ANKRD11: variants seen among roughly 807,000 people sequenced by gnomAD.
ANKRD11 encodes the protein ankyrin repeat domain-containing protein 11.
Under a neutral mutation model 195.7 loss-of-function variants are expected in ANKRD11, and 17 were observed. That is an observed-to-expected ratio of 0.09 (90% CI 0.06 to 0.13). The LOEUF (loss-of-function observed/expected upper bound fraction) is 0.13. Among genes scored for constraint, ANKRD11 ranks in the 10% least tolerant of loss-of-function variants. The probability of loss-of-function intolerance (pLI) is 1.00; values close to 1 mark genes in which losing one functional copy is unlikely to be tolerated. For missense variants in ANKRD11, 3,735 were observed against 3,566.1 expected (o/e 1.05, Z -1.21); for synonymous variants, 1,953 against 1,528.1 (o/e 1.28, Z -6.49).
chr16:89,408,293 T>G (rs1177783149), intron 2 of ANKRD11, among the ~76,000 whole-genome samples: 1 of 152,204 alleles, frequency 6.6e-6, no homozygotes, highest in Non-Finnish European at 1.5e-5. Flanking sequence ...CACATTCACT[T>G]TAGCCTTGGG....
chr16:89,269,141 G>T (rs1054325080), intron 12 of ANKRD11, among the ~76,000 whole-genome samples: 1 of 152,230 alleles, frequency 6.6e-6, no homozygotes. Flanking sequence ...AGCGTGGCCA[G>T]GGAGTACTGG....
chr16:89,342,032 G>GCTGCACCTCCA, intron 2 of ANKRD11, among the ~76,000 whole-genome samples: 1 of 36,852 alleles, frequency 2.7e-5, no homozygotes, highest in African/African-American at 9.2e-5. Context: ...CACCTCCACT[G>GCTGCACCTCCA]CCCACAGCGG....
chr16:89,334,223 C>G (rs998619704), intron 2 of ANKRD11, among the ~76,000 whole-genome samples: 2 of 150,402 alleles, frequency 1.3e-5, no homozygotes, highest in African/African-American at 4.9e-5. Flanking sequence ...GCTGCGGGCT[C>G]AGGACAATGT....
At chr16:89,464,256 C>A (rs541688597) in intron 1 of ANKRD11, among the ~76,000 whole-genome samples, 1 of 148,148 alleles carries the variant, frequency 6.8e-6, no homozygotes, top group Admixed American at 6.8e-5. Context: ...AAAAAAAGAT[C>A]ACAATGGTGG....
intron 1 of ANKRD11, among the ~76,000 whole-genome samples, chr16:89,433,974 G>A (rs1375435039): frequency 5.9e-5 from 9 of 152,166 alleles, no homozygotes; most frequent in Admixed American, 4.6e-4. Flanking sequence ...CATGGACACT[G>A]GCTTCTAAAT....
intron 2 of ANKRD11, among the ~76,000 whole-genome samples, chr16:89,350,899 G>T (rs763495143): frequency 6.6e-6 from 1 of 152,122 alleles, no homozygotes; most frequent in African/African-American, 2.4e-5. Flanking sequence ...ACTGTGTTAC[G>T]ATTTCTTTCC....
At chr16:89,389,617 C>T (rs1302091245) in intron 2 of ANKRD11, among the ~76,000 whole-genome samples, 1 of 152,194 alleles carries the variant, frequency 6.6e-6, no homozygotes, top group Non-Finnish European at 1.5e-5. Context: ...GTGGGATTCA[C>T]AGAAGAACAG....
At chr16:89,403,347 C>T (rs568765482) in intron 2 of ANKRD11, among the ~76,000 whole-genome samples, 104 of 152,260 alleles carry the variant, frequency 6.8e-4, no homozygotes, top group Non-Finnish European at 1.3e-3. Context: ...GCCCCAGCAC[C>T]GCGTGGAAGA....
At chr16:89,296,645 G>A (rs1406694366) in intron 4 of ANKRD11, among the ~76,000 whole-genome samples, 7 of 152,200 alleles carry the variant, frequency 4.6e-5, no homozygotes, top group Non-Finnish European at 1.0e-4. Context: ...AGCACGTGAG[G>A]TCCCTGGGGC....
rs1401104607 is a variant in ANKRD11, at chr16:89,268,468, T to TC, written c.*9dup. The TC allele has an allele frequency of 1.7e-6, 2 of 1,189,906 alleles. No individual in the cohort carries two copies. The highest frequency in any genetic ancestry group is 3.3e-5 in the African/African-American group (2 of 60,034). 73.7% of individuals were successfully genotyped at this position (1,189,906 alleles called of 1,614,324 possible). On this transcript the variant is annotated 3_prime_UTR_variant, in exon 13 of 13. Coordinates refer to ENST00000301030, the MANE Select transcript of ANKRD11 (RefSeq NM_013275.6). Reference sequence around the variant, plus strand: ...GGCCCTCGCCTGCGTCCTGCGGCCGTCCCGCGGTGTCATGCCGGCAACAAT... The same window carrying TC: ...GGCCCTCGCCTGCGTCCTGCGGCCGTCCCCGCGGTGTCATGCCGGCAACAAT...
intron 2 of ANKRD11, among the ~76,000 whole-genome samples, chr16:89,414,828 C>T (rs1246299250): frequency 6.6e-6 from 1 of 152,212 alleles, no homozygotes; most frequent in East Asian, 1.9e-4. Flanking sequence ...GCACCGTGTA[C>T]TGAAGAAGCG....
chr16:89,352,045 C>G (rs1202732858), intron 2 of ANKRD11, among the ~76,000 whole-genome samples: 11 of 152,170 alleles, frequency 7.2e-5, no homozygotes, highest in Admixed American at 7.2e-4. Context: ...ATGACAGGCA[C>G]AAGCCACCAG....
At chr16:89,289,852 CAACTTAGT>C in intron 6 of ANKRD11, among the ~76,000 whole-genome samples, 1 of 152,134 alleles carries the variant, frequency 6.6e-6, no homozygotes, top group East Asian at 1.9e-4. Flanking sequence ...CCAGCCTGGG[CAACTTAGT>C]AAGACCCCGT....
At chr16:89,457,024 A>G (rs912100469) in intron 1 of ANKRD11, among the ~76,000 whole-genome samples, 13 of 148,598 alleles carry the variant, frequency 8.7e-5, no homozygotes, top group African/African-American at 3.2e-4. Flanking sequence ...CAGTGGCGCA[A>G]TCTCGGCTCA....
intron 1 of ANKRD11, among the ~76,000 whole-genome samples, chr16:89,439,794 A>G (rs2043367181): frequency 6.6e-6 from 1 of 152,068 alleles, no homozygotes; most frequent in Admixed American, 6.5e-5. Flanking sequence ...CCCCCTCAGA[A>G]CTCTGTGGAA....
intron 12 of ANKRD11, chr16:89,269,954 GTCTT>G (rs1280466225): frequency 6.6e-6 from 1 of 152,238 alleles, no homozygotes. Flanking sequence ...TCTTCCATGT[GTCTT>G]TATGAAGCTT....
chr16:89,463,087 C>T (rs1372251093), intron 1 of ANKRD11, among the ~76,000 whole-genome samples: 20 of 146,790 alleles, frequency 1.4e-4, no homozygotes, highest in African/African-American at 4.0e-4. Context: ...CCGCCCCGCC[C>T]GGGAGGTGAG....
chr16:89,365,885 C>T (rs2039926185), intron 2 of ANKRD11, among the ~76,000 whole-genome samples: 1 of 151,840 alleles, frequency 6.6e-6, no homozygotes, highest in Non-Finnish European at 1.5e-5. Context: ...AAGCAGACCC[C>T]AGTGTCTGCT....
chr16:89,276,746 A>C (rs1170537437), intron 9 of ANKRD11, among the ~76,000 whole-genome samples: 1 of 152,166 alleles, frequency 6.6e-6, no homozygotes, highest in Non-Finnish European at 1.5e-5. Flanking sequence ...TTTTCTGCCC[A>C]TCTAAAATCA....
Sources: gnomAD v4.1 joint callset for allele counts (sites outside exome capture counted in the v4.1 genomes callset) on GRCh38, gnomAD v4.1.1 for gene constraint, MANE v1.5 for transcripts, NCBI Gene and HGNC (gene_info 2026-07-23, HGNC 2026-07-21) for gene names.